PPIL3: variants seen among roughly 807,000 people sequenced by gnomAD.
The protein encoded by PPIL3 is peptidyl-prolyl cis-trans isomerase-like 3.
PPIL3 carries 13 observed loss-of-function variants against 20.9 expected under a neutral mutation model. The observed-to-expected ratio is 0.62, with a 90% CI of 0.40 to 0.99. The LOEUF (loss-of-function observed/expected upper bound fraction) is 0.99, where lower values mean the gene tolerates loss of function less well. Ranked by LOEUF, PPIL3 falls within the 50% of genes least tolerant of loss-of-function variation. The pLI is 0.00. For synonymous variants in PPIL3, 71 were observed against 64.4 expected, an observed-to-expected ratio of 1.10 and a Z score of -0.49; for missense variants, 170 against 195.2, an observed-to-expected ratio of 0.87 and a Z score of 0.77.
intron 5 of PPIL3, 152 bp downstream of exon 5, chr2:200,881,269 C>T (rs1053665118): frequency 6.5e-6 from 4 of 611,718 alleles, no homozygotes; most frequent in Non-Finnish European, 1.1e-5. Flanking sequence ...TTTCTCAAGT[C>T]TCCCCGACAT....
intron 1 of PPIL3, 103 bp downstream of exon 1, chr2:200,888,853 C>A (rs1348755183): frequency 6.6e-6 from 3 of 457,710 alleles, no homozygotes; most frequent in Non-Finnish European, 1.4e-5. Flanking sequence ...GCCTCGCCGC[C>A]CACTGTTCAC....
chr2:200,888,116 G>C (rs115170097), intron 1 of PPIL3, among the ~76,000 whole-genome samples: 1 of 148,584 alleles, frequency 6.7e-6, no homozygotes, highest in Non-Finnish European at 1.5e-5. Flanking sequence ...CCCGGCTATA[G>C]AAGATATCCT....
rs1450781772 is a variant in PPIL3, at chr2:200,871,349, G to A, written c.*46C>T. Reference sequence around the variant, plus strand: ...ATTAAAACCGGGTAAACCACAATAAGTGTGTTCCAGCAATTTGTCAAGTTA... The same window carrying A: ...ATTAAAACCGGGTAAACCACAATAAATGTGTTCCAGCAATTTGTCAAGTTA... On this transcript the variant is annotated 3_prime_UTR_variant, in exon 7 of 7. Coordinates refer to ENST00000392283, the MANE Select transcript of PPIL3 (RefSeq NM_130906.3). 3.2e-6 allele frequency: 5 copies of A among 1,564,072 alleles called. No homozygotes were observed. The highest frequency in any genetic ancestry group is 4.4e-6 in the Non-Finnish European group (5 of 1,146,322).
At chr2:200,888,929 G>A in intron 1 of PPIL3, 27 bp downstream of exon 1, 1 of 471,208 alleles carries the variant, frequency 2.1e-6, no homozygotes, top group South Asian at 1.5e-5. Context: ...ATAAGTGAAT[G>A]AAAGAATTAA....
intron 1 of PPIL3, chr2:200,888,264 C>G (rs2040042754): frequency 6.6e-6 from 1 of 152,048 alleles, no homozygotes; most frequent in African/African-American, 2.4e-5. Flanking sequence ...AATTCTTATA[C>G]TCAGACATCT....
At chr2:200,876,559 C>A (rs1368783724) in intron 6 of PPIL3, among the ~76,000 whole-genome samples, 1 of 150,406 alleles carries the variant, frequency 6.6e-6, no homozygotes, top group African/African-American at 2.4e-5. Flanking sequence ...ACTCTGTCGC[C>A]CAGGCTGGAG....
intron 5 of PPIL3, among the ~76,000 whole-genome samples, chr2:200,878,613 C>T (rs1039645368): frequency 3.9e-5 from 6 of 152,086 alleles, no homozygotes; most frequent in African/African-American, 1.2e-4. Context: ...TGATCTCAAA[C>T]TCCTGGCCTC....
Position 200,885,727 on chromosome 2 carries a change from A to C in PPIL3, c.49T>G (p.Phe17Val). 1 of 1,592,246 alleles carries C rather than the reference A, an allele frequency of 6.3e-7. No homozygotes were observed. The highest frequency in any genetic ancestry group is 8.6e-7 in the Non-Finnish European group (1 of 1,162,224). Residue 17 changes from phenylalanine to valine, a missense_variant, in exon 3 of 7, where the codon TTC becomes GTC. Phe to Val is a conservative substitution (Grantham distance 50). Coordinates refer to ENST00000392283, the MANE Select transcript of PPIL3 (RefSeq NM_130906.3). The stretch of plus-strand genomic sequence containing the variant: ...CATGTTTTGGGTGTCCTCTCACAGA[A>C]GACTTCAATTTTAATATCACCTACA... The part of the protein sequence containing the change: ...TDVGDIKIEV[F>V]CERTPKTCEN...
At chr2:200,886,646 G>A (rs945597998) in intron 2 of PPIL3, among the ~76,000 whole-genome samples, 2 of 152,038 alleles carry the variant, frequency 1.3e-5, no homozygotes, top group Non-Finnish European at 2.9e-5. Flanking sequence ...GGCTGGTCTC[G>A]AACTCCTGAC....
At chr2:200,880,254 A>AG (rs1473664113) in intron 5 of PPIL3, among the ~76,000 whole-genome samples, 1 of 152,178 alleles carries the variant, frequency 6.6e-6, no homozygotes, top group Non-Finnish European at 1.5e-5. Flanking sequence ...CTCTAAAAAA[A>AG]GGTTTTAAAA....
chr2:200,871,323 A>T lies in PPIL3; in HGVS notation c.*72T>A. ...AGAAGGATGATGCAATCTCTGACAT[A>T]ATTAAAACCGGGTAAACCACAATAA... On this transcript the variant is annotated 3_prime_UTR_variant, in exon 7 of 7. Transcript: ENST00000392283. 6.9e-7 allele frequency: 1 copy of T among 1,454,674 alleles called. No individual in the cohort carries two copies. The highest frequency in any genetic ancestry group is 9.4e-7 in the Non-Finnish European group (1 of 1,065,450). 90.1% of individuals were successfully genotyped at this position (1,454,674 alleles called of 1,614,324 possible).
rs145843683 is a variant in PPIL3 at position 200,870,983 on chromosome 2, T to TTTAA, written c.*408_*411dup. On this transcript the variant is annotated 3_prime_UTR_variant, in exon 7 of 7. Coordinates refer to ENST00000392283, the MANE Select transcript of PPIL3 (RefSeq NM_130906.3). ...GCCTGAAGGTAATTTTACACAATAT[T>TTTAA]TTAATTAATTTGTCCTACGATTTAA... 28,501 of 155,120 alleles carry TTTAA rather than the reference T, an allele frequency of 0.18. 3,637 individuals carry two copies. Among genetic ancestry groups the TTTAA allele is most frequent in the African/African-American group, 0.37 (15,182 of 41,250 alleles). 9.6% of individuals were successfully genotyped at this position (155,120 alleles called of 1,614,324 possible). A position where few individuals can be genotyped will look rare whatever the true frequency, so the allele number is the denominator to read the frequency against.
intron 1 of PPIL3, among the ~76,000 whole-genome samples, chr2:200,888,095 G>A (rs902156270): frequency 6.7e-6 from 1 of 148,974 alleles, no homozygotes; most frequent in Non-Finnish European, 1.5e-5. Flanking sequence ...GCATCCCCTA[G>A]GTAATAAAAA....
rs779189285 is a variant in PPIL3 at position 200,880,409 on chromosome 2, C to CTTTTTTTTTT, written c.240+1002_240+1011dup. On this transcript the variant is annotated intron_variant, in intron 5 of 6. Transcript: ENST00000392283. ...AAACTGCATATTTTGATTGAGTAGA[C>CTTTTTTTTTT]TTTTTTTTTTTTTTGAGTGGGGTCT... Among the ~76,000 whole-genome samples the CTTTTTTTTTT allele has an allele frequency of 2.2e-3, 291 of 131,810 alleles. 22 individuals are homozygous for CTTTTTTTTTT. Among genetic ancestry groups the CTTTTTTTTTT allele is most frequent in the African/African-American group, 8.2e-3 (267 of 32,486 alleles). 86.5% of individuals were successfully genotyped at this position (131,810 alleles called of 152,430 possible).
intron 5 of PPIL3, 25 bp downstream of exon 5, chr2:200,881,395 AG>A: frequency 6.3e-7 from 1 of 1,578,120 alleles, no homozygotes; most frequent in Non-Finnish European, 8.7e-7. Flanking sequence ...CATGAGAAAT[AG>A]ATTTTTAAAG....
intron 3 of PPIL3, among the ~76,000 whole-genome samples, chr2:200,883,107 A>ATGTTCTTT (rs1401062146): frequency 9.2e-4 from 132 of 143,522 alleles, no homozygotes; most frequent in African/African-American, 3.3e-3. Context: ...TATATCTGGA[A>ATGTTCTTT]TGTTCTTTTT....
chr2:200,887,523 G>C, intron 2 of PPIL3, 90 bp downstream of exon 2: 1 of 946,600 alleles, frequency 1.1e-6, no homozygotes, highest in East Asian at 2.5e-5. Context: ...TCTTGCCACT[G>C]CAATTTCCAT....
intron 1 of PPIL3, chr2:200,888,610 C>T (rs1344681897): frequency 4.6e-6 from 1 of 217,048 alleles, no homozygotes; most frequent in Non-Finnish European, 9.6e-6. Context: ...ACCTCCGCCT[C>T]CGCCTCCCGG....
intron 3 of PPIL3, among the ~76,000 whole-genome samples, chr2:200,884,651 G>T (rs2039861880): frequency 6.6e-6 from 1 of 151,470 alleles, no homozygotes; most frequent in South Asian, 2.1e-4. Context: ...AAGGTGGGAG[G>T]ATTGCTTGAG....
Sources: gnomAD v4.1 joint callset for allele counts (sites outside exome capture counted in the v4.1 genomes callset) on GRCh38, gnomAD v4.1.1 for gene constraint, MANE v1.5 for transcripts, NCBI Gene and HGNC (gene_info 2026-07-23, HGNC 2026-07-21) for gene names.